Variants in DOCK11 observed in about 807,000 individuals in gnomAD.
DOCK11 encodes the protein dedicator of cytokinesis 11.
DOCK11 carries 70 observed loss-of-function variants against 169.1 expected under a neutral mutation model. The observed-to-expected ratio is 0.41, with a 90% CI of 0.34 to 0.51. The LOEUF is 0.51. Ranked by LOEUF, DOCK11 falls within the 20% of genes least tolerant of loss-of-function variation. The pLI, the probability that DOCK11 is intolerant of heterozygous loss-of-function variation, is 0.10. For missense variants in DOCK11, 1,166 were observed against 1,538.8 expected, an observed-to-expected ratio of 0.76 and a Z score of 4.05; for synonymous variants, 529 against 541.3, an observed-to-expected ratio of 0.98 and a Z score of 0.32.
chrX:118,500,179 G>C, intron 1 of DOCK11, among the ~76,000 whole-genome samples: 1 of 109,485 alleles, frequency 9.1e-6, no homozygotes, highest in African/African-American at 3.3e-5. Flanking sequence ...CTCCCGAGTA[G>C]CTGGGACTAC....
rs377585708 is a variant in DOCK11, at chrX:118,630,472, G to A, written c.3868G>A (p.Val1290Ile). ...RSLLMCYLYIVKMISEDTLLT... is the reference protein window; with the variant it reads ...RSLLMCYLYIIKMISEDTLLT... ...CCTCCTGATGTGCTACCTGTATATA[G>A]TAAAAATGATTTCAGAAGGTGAGTT... Residue 1290 changes from valine to isoleucine, a missense_variant, in exon 35 of 53, where the codon GTA (valine) becomes ATA (isoleucine). Transcript: ENST00000276202. 5 of 1,197,892 alleles carry A rather than the reference G, an allele frequency of 4.2e-6. No individual in the cohort carries two copies. Among genetic ancestry groups the A allele is most frequent in the Non-Finnish European group, 5.7e-6 (5 of 883,869 alleles).
At chrX:118,529,903 G>A (rs2011469828) in intron 1 of DOCK11, among the ~76,000 whole-genome samples, 1 of 111,641 alleles carries the variant, frequency 9.0e-6, no homozygotes, top group East Asian at 2.8e-4. Flanking sequence ...AGGACATGGG[G>A]CTGGAGGCTG....
At chrX:118,546,209 GCAAAAA>G in intron 6 of DOCK11, 93 bp downstream of exon 6, 1 of 19,315 alleles carries the variant, frequency 5.2e-5, no homozygotes, top group Non-Finnish European at 8.6e-5. Flanking sequence ...AAGAGCCCTA[GCAAAAA>G]AAAAAAAAAA....
At chrX:118,584,983 A>G in intron 15 of DOCK11, 58 bp from the exon 16 acceptor site, 2 of 1,146,774 alleles carry the variant, frequency 1.7e-6, no homozygotes, top group South Asian at 3.7e-5. Context: ...GATAGAGGGT[A>G]ACCAGTGCAT....
At position 118,542,836 on chromosome X, in the gene DOCK11, A is replaced by G. The variant is rs779410439; in HGVS notation, c.214A>G (p.Ile72Val). 3 of 1,203,130 alleles carry G rather than the reference A, an allele frequency of 2.5e-6. No individual in the cohort carries two copies. The highest frequency in any genetic ancestry group is 3.4e-6 in the Non-Finnish European group (3 of 888,206). The change falls in exon 2 of 53, where the codon ATA becomes GTA. Residue 72 changes from isoleucine to valine, a missense_variant. Physicochemically the swap from Ile to Val is conservative, Grantham distance 29. Coordinates refer to ENST00000276202, the MANE Select transcript of DOCK11 (RefSeq NM_144658.4). ...TCTGCTTATGTTCCCAATGGAAGAT[A>G]TATCTGTGAGTTCACAAACACTTCT... The part of the protein sequence containing the change: ...RDLLMFPMED[I>V]SISVIGRQRR...
intron 6 of DOCK11, among the ~76,000 whole-genome samples, chrX:118,552,070 C>CT (rs2012516799): frequency 9.4e-6 from 1 of 106,903 alleles, no homozygotes; most frequent in African/African-American, 3.4e-5. Flanking sequence ...AGGGAGGACT[C>CT]TAATAGCAAG....
intron 1 of DOCK11, among the ~76,000 whole-genome samples, chrX:118,514,497 C>T (rs972275231): frequency 1.8e-5 from 2 of 110,786 alleles, no homozygotes; most frequent in African/African-American, 6.6e-5. Flanking sequence ...AATACCCAAA[C>T]CCATAAAAAT....
intron 1 of DOCK11, among the ~76,000 whole-genome samples, chrX:118,519,191 A>C (rs2057707656): frequency 1.8e-5 from 2 of 112,030 alleles, no homozygotes; most frequent in Non-Finnish European, 3.8e-5. Flanking sequence ...GAAGGCTTTG[A>C]ATGAAAGGTG....
intron 1 of DOCK11, among the ~76,000 whole-genome samples, chrX:118,502,792 A>AC (rs1028906454): frequency 9.0e-6 from 1 of 111,101 alleles, no homozygotes; most frequent in African/African-American, 3.3e-5. Context: ...AAACAAACAA[A>AC]AAAACAGTAT....
chrX:118,671,505 T>C, intron 46 of DOCK11, among the ~76,000 whole-genome samples: 1 of 111,787 alleles, frequency 8.9e-6, no homozygotes, highest in Non-Finnish European at 1.9e-5. Context: ...CCCATAAATA[T>C]GTACAGTTAT....
intron 20 of DOCK11, among the ~76,000 whole-genome samples, chrX:118,594,605 G>C (rs1019310429): frequency 2.7e-5 from 3 of 111,588 alleles, no homozygotes; most frequent in African/African-American, 3.3e-5. Flanking sequence ...GCACTTTGGA[G>C]AATACAGTGG....
At position 118,518,237 on chromosome X, in the gene DOCK11, G is replaced by T. The variant is rs180910040; in HGVS notation, c.102+22164G>T. Among the ~76,000 whole-genome samples the T allele has an allele frequency of 3.8e-3, 422 of 111,663 alleles. 3 individuals are homozygous for T. The highest frequency in any genetic ancestry group is 0.013 in the African/African-American group (406 of 30,754). On this transcript the variant is annotated intron_variant, in intron 1 of 52. Coordinates refer to ENST00000276202, the MANE Select transcript of DOCK11 (RefSeq NM_144658.4). ...TATGAGCTTTGAAATGGAAGGTCTT[G>T]CCTCTGACATTTAAAACAATTAGAT... is the stretch of plus-strand genomic sequence containing the variant.
chrX:118,568,777 CA>C lies in DOCK11; in HGVS notation c.1035+616del, dbSNP rs1289441048. The stretch of plus-strand genomic sequence containing the variant: ...ATGCAGTTAATATTTAAGTCTATGA[CA>C]TTTTCTAATTAAGTTTTTAATTTGT... On this transcript the variant is annotated intron_variant, in intron 10 of 52. Coordinates refer to ENST00000276202, the MANE Select transcript of DOCK11 (RefSeq NM_144658.4). Among the ~76,000 whole-genome samples, 76 of 110,656 alleles carry C rather than the reference CA, an allele frequency of 6.9e-4. 1 individual carries two copies. Among genetic ancestry groups the C allele is most frequent in the African/African-American group, 2.5e-3 (75 of 30,538 alleles).
intron 1 of DOCK11, among the ~76,000 whole-genome samples, chrX:118,506,740 C>A (rs897891199): frequency 8.9e-6 from 1 of 111,942 alleles, no homozygotes; most frequent in South Asian, 3.7e-4. Flanking sequence ...AGAAATTATT[C>A]TTTTATATTT....
intron 1 of DOCK11, among the ~76,000 whole-genome samples, chrX:118,525,437 TTA>T (rs2011352096): frequency 9.0e-6 from 1 of 111,686 alleles, no homozygotes. Flanking sequence ...AAGACAAATT[TTA>T]TATGATTCCA....
chrX:118,676,902 A>G (rs1008103272), intron 48 of DOCK11, among the ~76,000 whole-genome samples, 165 bp downstream of exon 48: 1 of 111,429 alleles, frequency 9.0e-6, no homozygotes, highest in Non-Finnish European at 1.9e-5. Flanking sequence ...CAAGCTTCAA[A>G]TCTCTACTCT....
intron 21 of DOCK11, 133 bp downstream of exon 21, chrX:118,597,685 T>A: frequency 1.4e-6 from 1 of 697,881 alleles, no homozygotes; most frequent in Non-Finnish European, 2.1e-6. Flanking sequence ...ACAACAAAGA[T>A]AAACATGGAA....
At chrX:118,555,330 G>T (rs2012645046) in intron 6 of DOCK11, among the ~76,000 whole-genome samples, 1 of 111,120 alleles carries the variant, frequency 9.0e-6, no homozygotes, top group African/African-American at 3.3e-5. Context: ...CAAGCCAGAA[G>T]GATCACTTGA....
intron 32 of DOCK11, among the ~76,000 whole-genome samples, chrX:118,627,111 C>G (rs904890981): frequency 2.7e-5 from 3 of 111,612 alleles, no homozygotes; most frequent in African/African-American, 9.8e-5. Flanking sequence ...ACCTGTAGTC[C>G]TGGCTAATCT....
Sources: allele counts gnomAD v4.1 joint callset (sites outside exome capture counted in the v4.1 genomes callset), GRCh38; gene constraint gnomAD v4.1.1; transcripts MANE v1.5; gene names NCBI Gene and HGNC (gene_info 2026-07-23, HGNC 2026-07-21).